KLHL1: variants seen among roughly 807,000 people sequenced by gnomAD.
KLHL1 encodes kelch like family member 1.
KLHL1 carries 47 observed loss-of-function variants against 77.7 expected under a neutral mutation model. The ratio of observed to expected loss-of-function variants is 0.60; its 90% confidence interval spans 0.48 to 0.77. The LOEUF is 0.77. Ranked by LOEUF, KLHL1 falls within the 30% of genes least tolerant of loss-of-function variation. The probability of loss-of-function intolerance (pLI) is 0.00; values close to 1 mark genes in which losing one functional copy is unlikely to be tolerated. For synonymous variants in KLHL1, 360 were observed against 325.2 expected, an observed-to-expected ratio of 1.11 and a Z score of -1.15; for missense variants, 925 against 910.8, an observed-to-expected ratio of 1.02 and a Z score of -0.20.
At chr13:69,987,102 TC>T (rs1254137160) in intron 1 of KLHL1, among the ~76,000 whole-genome samples, 1 of 152,004 alleles carries the variant, frequency 6.6e-6, no homozygotes, top group Non-Finnish European at 1.5e-5. Flanking sequence ...AAATACCATT[TC>T]CTTTAAAATA....
At chr13:69,945,901 G>A (rs867849313) in intron 3 of KLHL1, among the ~76,000 whole-genome samples, 35 of 152,246 alleles carry the variant, frequency 2.3e-4, no homozygotes, top group African/African-American at 8.2e-4. Flanking sequence ...TTTTGCAATG[G>A]CCAAGAACTG....
At chr13:70,046,221 A>C (rs1288198509) in intron 1 of KLHL1, among the ~76,000 whole-genome samples, 1 of 143,804 alleles carries the variant, frequency 7.0e-6, no homozygotes, top group Non-Finnish European at 1.6e-5. Flanking sequence ...AAGTGTGAGA[A>C]AAAAAAAAAT....
intron 7 of KLHL1, among the ~76,000 whole-genome samples, chr13:69,792,514 A>G (rs940361774): frequency 1.3e-5 from 2 of 152,210 alleles, no homozygotes; most frequent in Non-Finnish European, 1.5e-5. Context: ...AAGTGAAACC[A>G]AGAATTAACC....
intron 4 of KLHL1, among the ~76,000 whole-genome samples, chr13:69,919,729 C>T (rs1882570299): frequency 1.3e-5 from 2 of 152,212 alleles, no homozygotes; most frequent in South Asian, 2.1e-4. Flanking sequence ...CCAAAACAAG[C>T]TACTCAGATA....
At chr13:69,899,350 G>T (rs1425776710) in intron 4 of KLHL1, among the ~76,000 whole-genome samples, 1 of 152,092 alleles carries the variant, frequency 6.6e-6, no homozygotes, top group Non-Finnish European at 1.5e-5. Flanking sequence ...GCTGGGAAAA[G>T]AAAGAAGCTA....
rs112201018 is a variant in KLHL1, at chr13:70,080,323, A to T, written c.497+26880T>A. Among the ~76,000 whole-genome samples, 3 of 152,184 alleles carry T rather than the reference A, an allele frequency of 2.0e-5. No homozygotes were observed. In the East Asian group the frequency reaches 5.8e-4, roughly 29 times the overall value. On this transcript the variant is annotated intron_variant, in intron 1 of 10. Coordinates refer to ENST00000377844, the MANE Select transcript of KLHL1 (RefSeq NM_020866.3). ...GCAGCCATTAAGTGACCACAGGATC[A>T]TTTATACTTCCCCAAATGAAATCAT...
intron 4 of KLHL1, among the ~76,000 whole-genome samples, chr13:69,908,877 T>C (rs1882136801): frequency 1.3e-5 from 2 of 150,788 alleles, no homozygotes; most frequent in South Asian, 2.1e-4. Context: ...TAAAAGAGTG[T>C]TTTTCCTTTC....
intron 4 of KLHL1, among the ~76,000 whole-genome samples, chr13:69,923,373 C>T (rs979512859): frequency 3.9e-5 from 6 of 152,086 alleles, no homozygotes; most frequent in Admixed American, 6.6e-5. Flanking sequence ...AGTATGTCTC[C>T]GTTGGAGTTG....
At chr13:69,981,791 AT>A (rs201767051) in intron 1 of KLHL1, among the ~76,000 whole-genome samples, 1,969 of 149,870 alleles carry the variant, frequency 0.013, 39 homozygotes, top group African/African-American at 0.047. Context: ...AGTGCCCAAA[AT>A]AAAAAAAAAT....
intron 1 of KLHL1, among the ~76,000 whole-genome samples, chr13:70,063,164 T>C (rs1461936758): frequency 6.6e-6 from 1 of 152,086 alleles, no homozygotes; most frequent in Non-Finnish European, 1.5e-5. Flanking sequence ...AGTATCCAGA[T>C]CCAGCTCTGA....
chr13:69,734,114 C>T lies in KLHL1; in HGVS notation c.1802+6280G>A, dbSNP rs544700013. 2.4e-4 allele frequency among the ~76,000 whole-genome samples: 36 copies of T among 152,224 alleles called. 1 individual carries two copies. Among genetic ancestry groups the T allele is most frequent in the Admixed American group, 5.9e-4 (9 of 15,272 alleles). On this transcript the variant is annotated intron_variant, in intron 8 of 10. Transcript: ENST00000377844. The stretch of plus-strand genomic sequence containing the variant: ...GTAATTGGGTCATGGGGGCAGATTT[C>T]TCATGAATGGTTTAGCACTATCCCT...
chr13:69,964,767 TTATC>T (rs1258383224), intron 2 of KLHL1, among the ~76,000 whole-genome samples: 1 of 152,178 alleles, frequency 6.6e-6, no homozygotes, highest in African/African-American at 2.4e-5. Context: ...TTATTCATTG[TTATC>T]TATCTTCTCC....
At chr13:69,875,842 G>T (rs1321536348) in intron 5 of KLHL1, among the ~76,000 whole-genome samples, 3 of 151,890 alleles carry the variant, frequency 2.0e-5, no homozygotes, top group Non-Finnish European at 4.4e-5. Context: ...TTGGAGAAAA[G>T]TAATCCTATT....
At chr13:69,912,498 A>G (rs1326325935) in intron 4 of KLHL1, among the ~76,000 whole-genome samples, 1 of 152,200 alleles carries the variant, frequency 6.6e-6, no homozygotes, top group East Asian at 1.9e-4. Context: ...TCTTTCAACA[A>G]TGTATCAGGA....
intron 4 of KLHL1, among the ~76,000 whole-genome samples, chr13:69,890,739 A>G (rs1282992128): frequency 6.6e-6 from 1 of 151,994 alleles, no homozygotes; most frequent in Non-Finnish European, 1.5e-5. Context: ...AATTTTCAGA[A>G]CCAGGAAAGG....
At chr13:69,724,448 A>T (rs1041372274) in intron 8 of KLHL1, among the ~76,000 whole-genome samples, 1 of 152,058 alleles carries the variant, frequency 6.6e-6, no homozygotes, top group Non-Finnish European at 1.5e-5. Context: ...AATTCTTCTC[A>T]AATTCGTTCA....
chr13:70,073,850 A>T, intron 1 of KLHL1, among the ~76,000 whole-genome samples: 1 of 150,464 alleles, frequency 6.6e-6, no homozygotes, highest in Non-Finnish European at 1.5e-5. Flanking sequence ...TTTGAGATGG[A>T]GTCTCGCTCT....
chr13:69,723,554 T>C (rs1442244392), intron 8 of KLHL1, among the ~76,000 whole-genome samples: 2 of 152,052 alleles, frequency 1.3e-5, no homozygotes, highest in Non-Finnish European at 2.9e-5. Flanking sequence ...CTCCCAATGA[T>C]ATGAATAGAC....
At chr13:69,835,317 T>G (rs1367298498) in intron 6 of KLHL1, among the ~76,000 whole-genome samples, 28 of 152,258 alleles carry the variant, frequency 1.8e-4, no homozygotes, top group Non-Finnish European at 4.4e-5. Flanking sequence ...TTATTTGCAT[T>G]GCTCGTCTTA....
Sources: allele counts gnomAD v4.1 joint callset (sites outside exome capture counted in the v4.1 genomes callset), GRCh38; gene constraint gnomAD v4.1.1; transcripts MANE v1.5; gene names NCBI Gene and HGNC (gene_info 2026-07-23, HGNC 2026-07-21).